The following VPS13C variants were observed in gnomAD, a reference collection of about 807,000 sequenced individuals.
VPS13C encodes the protein vacuolar protein sorting 13 homolog C.
VPS13C carries 358 observed loss-of-function variants against 456.8 expected under a neutral mutation model. The observed-to-expected ratio is 0.78, with a 90% CI of 0.72 to 0.86. The LOEUF is 0.86. VPS13C is among the 40% of genes least tolerant of loss of function. The pLI is 0.00. For missense variants in VPS13C, 4,818 were observed against 4,385.4 expected (o/e 1.10, Z -2.79); for synonymous variants, 1,578 against 1,486.7 (o/e 1.06, Z -1.41).
At chr15:61,869,913 A>G (rs533085866) in intron 79 of VPS13C, among the ~76,000 whole-genome samples, 37 of 152,306 alleles carry the variant, frequency 2.4e-4, no homozygotes, top group Non-Finnish European at 1.5e-4. Context: ...ACACATGCTC[A>G]AGTTTGAGAA....
intron 83 of VPS13C, 77 bp downstream of exon 83, chr15:61,856,209 A>G: frequency 1.3e-6 from 2 of 1,540,528 alleles, no homozygotes; most frequent in Non-Finnish European, 1.8e-6. Flanking sequence ...AATCCTTCAA[A>G]TATTTTGTGT....
intron 66 of VPS13C, among the ~76,000 whole-genome samples, chr15:61,895,160 C>T (rs2140089312): frequency 6.6e-6 from 1 of 151,386 alleles, no homozygotes; most frequent in Non-Finnish European, 1.5e-5. Context: ...TTTCTTAAAA[C>T]AAATGAAAAT....
Position 61,875,852 on chromosome 15 carries a change from A to G in VPS13C, c.10225-7T>C, listed in dbSNP as rs771351000. On this transcript the variant is annotated splice_polypyrimidine_tract_variant and splice_region_variant and intron_variant, in intron 75 of 84. Coordinates refer to ENST00000644861, the MANE Select transcript of VPS13C (RefSeq NM_020821.3). ...CATACATCTGTTTCAAGAACTAAAA[A>G]AGAAAAAAAATTAAATTAAGTCCTT... 1.7e-5 allele frequency: 26 copies of G among 1,548,418 alleles called. No homozygotes were observed. Among genetic ancestry groups the G allele is most frequent in the Non-Finnish European group, 2.2e-5 (25 of 1,149,932 alleles).
chr15:61,878,491 A>G (rs1215424405), intron 74 of VPS13C, 116 bp downstream of exon 74: 2 of 1,332,196 alleles, frequency 1.5e-6, no homozygotes, highest in Middle Eastern at 1.8e-4. Context: ...TTCTCCAAAT[A>G]TAAGTAGTAA....
At chr15:61,886,929 A>G (rs1262826389) in intron 67 of VPS13C, among the ~76,000 whole-genome samples, 2 of 152,200 alleles carry the variant, frequency 1.3e-5, no homozygotes, top group African/African-American at 4.8e-5. Flanking sequence ...CTTGATAAAG[A>G]GCACCTACAA....
chr15:61,981,221 G>A (rs1217464157), intron 22 of VPS13C, 121 bp downstream of exon 22: 3 of 1,204,944 alleles, frequency 2.5e-6, no homozygotes, highest in East Asian at 2.7e-5. Context: ...TTGAAACACA[G>A]GCTAAAAAAT....
chr15:61,925,123 C>A (rs578077156), intron 53 of VPS13C, among the ~76,000 whole-genome samples: 1 of 151,746 alleles, frequency 6.6e-6, no homozygotes, highest in African/African-American at 2.4e-5. Context: ...TAATAACAAC[C>A]TCTTCTCTCC....
chr15:61,973,242 C>CA (rs1332381363), intron 26 of VPS13C, among the ~76,000 whole-genome samples: 17 of 150,640 alleles, frequency 1.1e-4, no homozygotes, highest in East Asian at 3.9e-4. Flanking sequence ...TTGTCAACTA[C>CA]AAAAAAAAAC....
chr15:61,956,138 T>C lies in VPS13C; in HGVS notation c.4166-1584A>G, dbSNP rs936625036. On this transcript the variant is annotated intron_variant, in intron 37 of 84. Coordinates refer to ENST00000644861, the MANE Select transcript of VPS13C (RefSeq NM_020821.3). Reference sequence around the variant, plus strand: ...GGTACATATACACCATGACATGCTATGCAACCACAGAAAAGAATGAAATCA... The same window carrying C: ...GGTACATATACACCATGACATGCTACGCAACCACAGAAAAGAATGAAATCA... 7.9e-5 allele frequency among the ~76,000 whole-genome samples: 12 copies of C among 152,142 alleles called. No individual in the cohort carries two copies. The East Asian group carries it at 1.7e-3, about 22-fold the overall frequency.
In VPS13C at chr15:62,060,365, C is replaced by G. The variant is rs780418987; in HGVS notation, c.10G>C (p.Glu4Gln). 6.3e-7 allele frequency: 1 copy of G among 1,583,262 alleles called. No individual in the cohort carries two copies. Among genetic ancestry groups the G allele is most frequent in the Non-Finnish European group, 8.6e-7 (1 of 1,163,004 alleles). MVLESVVADLLNRF... is the reference protein window; with the variant it reads MVLQSVVADLLNRF... ...TTCAGCAAGTCCGCGACCACCGACT[C>G]CAGCACCATGGTGGCGCTGAGGCAC... The change falls in exon 1 of 85, where the codon GAG becomes CAG. Residue 4 changes from glutamate to glutamine, a missense_variant. Physicochemically the swap from Glu to Gln is conservative, Grantham distance 29. This residue lies in a region of VPS13C where 4,552 missense variants were observed against 4,130.6 expected (regional missense o/e 1.10). Coordinates refer to ENST00000644861, the MANE Select transcript of VPS13C (RefSeq NM_020821.3).
At chr15:61,895,984 A>G (rs1408572347) in intron 66 of VPS13C, among the ~76,000 whole-genome samples, 1 of 152,220 alleles carries the variant, frequency 6.6e-6, no homozygotes, top group Non-Finnish European at 1.5e-5. Context: ...CAAAGAAATG[A>G]TAAATATTTG....
intron 1 of VPS13C, among the ~76,000 whole-genome samples, chr15:62,055,962 A>ACAT (rs2048781388): frequency 6.6e-6 from 1 of 152,186 alleles, no homozygotes; most frequent in Admixed American, 6.5e-5. Flanking sequence ...TCTATCTGCT[A>ACAT]CATGCCAATA....
chr15:61,928,651 G>A (rs188939606), intron 51 of VPS13C, among the ~76,000 whole-genome samples: 17 of 152,200 alleles, frequency 1.1e-4, no homozygotes, highest in African/African-American at 3.1e-4. Context: ...AGGCAGAGGC[G>A]GGCGGATTGC....
At chr15:61,918,734 G>C (rs980828290) in intron 58 of VPS13C, among the ~76,000 whole-genome samples, 1 of 151,994 alleles carries the variant, frequency 6.6e-6, no homozygotes, top group Non-Finnish European at 1.5e-5. Context: ...ATTTGTATCT[G>C]ATGTTACAGG....
chr15:62,001,863 A>G (rs372639706), intron 15 of VPS13C, among the ~76,000 whole-genome samples: 4,408 of 152,134 alleles, frequency 0.029, 141 homozygotes, highest in South Asian at 0.07. Context: ...ATTTTTTATG[A>G]CTGCATAGTA....
Position 61,962,743 on chromosome 15 carries a change from AC to A in VPS13C, c.3435+5del. 4 of 1,569,112 alleles carry A rather than the reference AC, an allele frequency of 2.5e-6. No individual in the cohort carries two copies. The highest frequency in any genetic ancestry group is 3.5e-6 in the Non-Finnish European group (4 of 1,149,232). ...GAATATTAACTATCTGTTTACAATC[AC>A]CTACTTTCTTATGAACTGTCTTTGG... On this transcript the variant is annotated splice_donor_5th_base_variant and intron_variant, in intron 33 of 84. Coordinates refer to ENST00000644861, the MANE Select transcript of VPS13C (RefSeq NM_020821.3).
At chr15:61,931,664 A>T (rs1443792578) in intron 49 of VPS13C, among the ~76,000 whole-genome samples, 2 of 145,358 alleles carry the variant, frequency 1.4e-5, no homozygotes, top group East Asian at 4.0e-4. Flanking sequence ...TGCATCCTCC[A>T]CCTCCTGCGT....
At chr15:62,039,353 T>C (rs1365415639) in intron 3 of VPS13C, among the ~76,000 whole-genome samples, 1 of 152,148 alleles carries the variant, frequency 6.6e-6, no homozygotes, top group Non-Finnish European at 1.5e-5. Context: ...TAATATTGTA[T>C]GTTCTCACTT....
chr15:61,862,530 C>A lies in VPS13C; in HGVS notation c.10952+910G>T, dbSNP rs981722931. Among the ~76,000 whole-genome samples, 8 of 152,110 alleles carry A rather than the reference C, an allele frequency of 5.3e-5. No individual in the cohort carries two copies. The East Asian group carries it at 1.5e-3, about 29-fold the overall frequency. ...ATTAACACATTGCAACAGCTAAGTACAATATCTAAGACAAAAAAACATTGT... is the reference window on the plus strand; with the variant it reads ...ATTAACACATTGCAACAGCTAAGTAAAATATCTAAGACAAAAAAACATTGT... On this transcript the variant is annotated intron_variant, in intron 82 of 84. Coordinates refer to ENST00000644861, the MANE Select transcript of VPS13C (RefSeq NM_020821.3).
Sources: gnomAD v4.1 joint callset for allele counts (sites outside exome capture counted in the v4.1 genomes callset) on GRCh38, gnomAD v4.1.1 for gene constraint, gnomAD v4.1.1 regional missense constraint, MANE v1.5 for transcripts, NCBI Gene and HGNC (gene_info 2026-07-23, HGNC 2026-07-21) for gene names.